CFAP20DC: variants seen among roughly 807,000 people sequenced by gnomAD.
CFAP20DC encodes protein CFAP20DC.
In CFAP20DC, 84 loss-of-function variants were observed where a neutral mutation model predicts 101.7. The ratio of observed to expected loss-of-function variants is 0.83; its 90% CI spans 0.69 to 0.99. CFAP20DC has a LOEUF of 0.99. CFAP20DC is among the 50% of genes least tolerant of loss of function. The pLI, the probability that CFAP20DC is intolerant of heterozygous loss-of-function variation, is 0.00. For missense variants in CFAP20DC, 1,007 were observed against 970.3 expected (o/e 1.04, Z -0.50); for synonymous variants, 359 against 351.2 (o/e 1.02, Z -0.25).
intron 4 of CFAP20DC, among the ~76,000 whole-genome samples, chr3:58,945,766 G>A (rs536291486): frequency 2.7e-4 from 40 of 150,040 alleles, no homozygotes; most frequent in African/African-American, 8.8e-4. Context: ...GCGCGATGTC[G>A]GCTCACTGCA....
chr3:59,045,892 A>G (rs1000024802), intron 3 of CFAP20DC, among the ~76,000 whole-genome samples: 1 of 152,144 alleles, frequency 6.6e-6, no homozygotes, highest in Non-Finnish European at 1.5e-5. Flanking sequence ...AGGAGGATTA[A>G]AAGAGTTCAT....
At chr3:58,886,524 C>A (rs2081639139) in intron 6 of CFAP20DC, among the ~76,000 whole-genome samples, 1 of 151,700 alleles carries the variant, frequency 6.6e-6, no homozygotes, top group Non-Finnish European at 1.5e-5. Context: ...AAGTTCAAGA[C>A]CAGCCTGGGT....
intron 13 of CFAP20DC, among the ~76,000 whole-genome samples, chr3:58,842,480 G>C (rs1227131792): frequency 6.6e-6 from 1 of 152,118 alleles, no homozygotes; most frequent in Non-Finnish European, 1.5e-5. Context: ...GGCGCACCAC[G>C]AGACTATATC....
At chr3:58,961,901 GTC>G (rs1480136550) in intron 4 of CFAP20DC, among the ~76,000 whole-genome samples, 2 of 151,910 alleles carry the variant, frequency 1.3e-5, no homozygotes, top group East Asian at 3.9e-4. Context: ...GGTCATTTGT[GTC>G]TCCTCTCTTA....
intron 4 of CFAP20DC, among the ~76,000 whole-genome samples, chr3:59,019,545 T>C (rs2093760368): frequency 6.6e-6 from 1 of 151,946 alleles, no homozygotes; most frequent in Non-Finnish European, 1.5e-5. Flanking sequence ...GCTCCTATCG[T>C]TGGCCTGCAA....
At chr3:59,044,172 T>A (rs897461366) in intron 3 of CFAP20DC, among the ~76,000 whole-genome samples, 1 of 152,132 alleles carries the variant, frequency 6.6e-6, no homozygotes, top group African/African-American at 2.4e-5. Flanking sequence ...AATGTCAAGT[T>A]TGCATAAATA....
intron 4 of CFAP20DC, among the ~76,000 whole-genome samples, chr3:58,983,863 T>C (rs2092667242): frequency 6.6e-6 from 1 of 152,184 alleles, no homozygotes; most frequent in South Asian, 2.1e-4. Context: ...TAGGATCACA[T>C]GGCTAGTGAG....
Position 58,936,114 on chromosome 3 carries a change from G to A in CFAP20DC, c.393+1534C>T, listed in dbSNP as rs558390533. Among the ~76,000 whole-genome samples, 10 of 152,042 alleles carry A rather than the reference G, an allele frequency of 6.6e-5. No homozygotes were observed. In the South Asian group the frequency reaches 1.9e-3, roughly 28 times the overall value. ...CAACCCCATCAAAAAGTGGGCGAAG[G>A]ACATGAACAGACACTTCTCAAAAGA... On this transcript the variant is annotated intron_variant, in intron 5 of 16. Transcript: ENST00000482387.
At chr3:58,985,252 C>A (rs1208457475) in intron 4 of CFAP20DC, among the ~76,000 whole-genome samples, 7 of 152,042 alleles carry the variant, frequency 4.6e-5, no homozygotes, top group Admixed American at 4.6e-4. Flanking sequence ...TATTAATATT[C>A]TTCCTATTCT....
chr3:58,803,684 A>G (rs2073864428), intron 15 of CFAP20DC, among the ~76,000 whole-genome samples: 1 of 152,230 alleles, frequency 6.6e-6, no homozygotes, highest in African/African-American at 2.4e-5. Flanking sequence ...TTTATGAGCC[A>G]AGAGCCAAGT....
chr3:58,823,724 T>G (rs1401110537), intron 14 of CFAP20DC, among the ~76,000 whole-genome samples: 1 of 152,116 alleles, frequency 6.6e-6, no homozygotes, highest in Non-Finnish European at 1.5e-5. Context: ...TGGTGACTAT[T>G]TAAGTTTTTG....
chr3:58,793,040 G>A (rs1165903374), intron 15 of CFAP20DC, among the ~76,000 whole-genome samples: 1 of 152,102 alleles, frequency 6.6e-6, no homozygotes, highest in East Asian at 1.9e-4. Context: ...TATTTTAATA[G>A]AGAATGGCCC....
rs1251751712 is a variant in CFAP20DC at position 58,817,045 on chromosome 3, G to A, written c.2176-10589C>T. On this transcript the variant is annotated intron_variant, in intron 14 of 16. Transcript: ENST00000482387. The stretch of plus-strand genomic sequence containing the variant: ...GCAGCAGCACACTGACACCTCACAC[G>A]GCAGGGTATTCCAACAGACCTGCAG... 5.3e-5 allele frequency among the ~76,000 whole-genome samples: 8 copies of A among 152,094 alleles called. No individual in the cohort carries two copies. In the East Asian group the frequency reaches 7.7e-4, roughly 15 times the overall value.
chr3:58,997,427 G>A (rs138321246), intron 4 of CFAP20DC, among the ~76,000 whole-genome samples: 126 of 152,276 alleles, frequency 8.3e-4, no homozygotes, highest in African/African-American at 2.9e-3. Context: ...ACAATTCAGT[G>A]AGGAAAACAA....
At chr3:58,763,964 C>T (rs952716582) in intron 15 of CFAP20DC, among the ~76,000 whole-genome samples, 4 of 152,224 alleles carry the variant, frequency 2.6e-5, no homozygotes, top group African/African-American at 9.6e-5. Flanking sequence ...GGGTTCCTCC[C>T]AGTTAGGCTA....
At chr3:58,839,703 C>A (rs2108155227) in intron 13 of CFAP20DC, among the ~76,000 whole-genome samples, 1 of 152,262 alleles carries the variant, frequency 6.6e-6, no homozygotes, top group South Asian at 2.1e-4. Flanking sequence ...GGCTAAACAG[C>A]CAACTCATAC....
At chr3:58,848,289 A>T (rs2077902150) in intron 13 of CFAP20DC, among the ~76,000 whole-genome samples, 1 of 152,152 alleles carries the variant, frequency 6.6e-6, no homozygotes, top group Non-Finnish European at 1.5e-5. Flanking sequence ...GGTAACAATT[A>T]ATCCACTCTA....
chr3:58,777,949 G>A (rs1053954197), intron 15 of CFAP20DC, among the ~76,000 whole-genome samples: 8 of 152,180 alleles, frequency 5.3e-5, no homozygotes, highest in Non-Finnish European at 8.8e-5. Flanking sequence ...TCACTAAACT[G>A]TGTCCTACTC....
At chr3:58,809,629 C>A (rs1379283967) in intron 14 of CFAP20DC, among the ~76,000 whole-genome samples, 1 of 152,036 alleles carries the variant, frequency 6.6e-6, no homozygotes, top group Middle Eastern at 3.2e-3. Flanking sequence ...ACCCTAACAT[C>A]ACAATTAAAA....
Sources: allele counts gnomAD v4.1 joint callset (sites outside exome capture counted in the v4.1 genomes callset), GRCh38; gene constraint gnomAD v4.1.1; transcripts MANE v1.5; gene names NCBI Gene and HGNC (gene_info 2026-07-23, HGNC 2026-07-21).